Variants in MYO7B observed in about 807,000 individuals in gnomAD.
The protein encoded by MYO7B is unconventional myosin-VIIb.
In MYO7B, 212 loss-of-function variants were observed where a neutral mutation model predicts 259.7. The ratio of observed to expected loss-of-function variants is 0.82; its 90% CI spans 0.73 to 0.91. MYO7B has a LOEUF of 0.91. MYO7B is among the 40% of genes least tolerant of loss of function. MYO7B has a pLI of 0.00. For synonymous variants in MYO7B, 1,197 were observed against 1,166.4 expected (o/e 1.03, Z -0.54); for missense variants, 2,732 against 2,813.5 (o/e 0.97, Z 0.66).
Position 127,607,099 on chromosome 2 carries a change from A to G in MYO7B, c.2425-107A>G. On this transcript the variant is annotated intron_variant, in intron 20 of 47. Transcript: ENST00000409816. This position sits in a 1 kb window ranked among gnomAD's most constrained non-coding sequence, Gnocchi z 4.4. ...TCTAGCACCGGCCCTTTGCCAAAACAAAACTAACTGTAAATCTATCTTGCA... is the reference window on the plus strand; with the variant it reads ...TCTAGCACCGGCCCTTTGCCAAAACGAAACTAACTGTAAATCTATCTTGCA... The G allele has an allele frequency of 8.8e-7, 1 of 1,133,728 alleles. No individual in the cohort carries two copies. Among genetic ancestry groups the G allele is most frequent in the East Asian group, 2.6e-5 (1 of 38,624 alleles). The allele number at this position is 1,133,728 out of a possible 1,614,324, so 70.2% of individuals were successfully genotyped here. A position where few individuals can be genotyped will look rare whatever the true frequency, so the allele number is the denominator to read the frequency against.
Position 127,623,219 on chromosome 2 carries a change from G to T in MYO7B, c.3663G>T (p.Lys1221Asn). 1 of 1,613,614 alleles carries T rather than the reference G, an allele frequency of 6.2e-7. No individual in the cohort carries two copies. Among genetic ancestry groups the T allele is most frequent in the Non-Finnish European group, 8.5e-7 (1 of 1,179,776 alleles). The change falls in exon 29 of 48, where the codon AAG (lysine) becomes AAT (asparagine). Residue 1221 changes from lysine to asparagine, a missense_variant. Physicochemically the swap from Lys to Asn is moderately conservative, Grantham distance 94 (BLOSUM62 0). Around this residue, in one of 3 missense-constraint regions of MYO7B, gnomAD observed 1,906 missense variants for 2,026.4 expected, o/e 0.94. Transcript: ENST00000409816. Reference sequence around the variant, plus strand: ...GTCCCCAGGCTGTCAAGTCCAAGAAGCACATCCCCATCCAAGTCATCTTGG... The same window carrying T: ...GTCCCCAGGCTGTCAAGTCCAAGAATCACATCCCCATCCAAGTCATCTTGG... ...WLELQAVKSK[K>N]HIPIQVILAT...
At chr2:127,591,258 G>A (rs962466177) in intron 16 of MYO7B, among the ~76,000 whole-genome samples, 4 of 152,248 alleles carry the variant, frequency 2.6e-5, no homozygotes, top group African/African-American at 4.8e-5. Flanking sequence ...ATAGGCAGAT[G>A]TGAGATAACC....
intron 19 of MYO7B, among the ~76,000 whole-genome samples, chr2:127,602,049 T>TC (rs1679980271): frequency 1.3e-5 from 2 of 152,206 alleles, no homozygotes; most frequent in South Asian, 4.1e-4. Context: ...TCTATTTTTT[T>TC]CCTCTCTCCT....
rs371153674 is a variant in MYO7B at position 127,588,410 on chromosome 2, G to A, written c.1709G>A (p.Arg570Gln). 45 of 1,612,744 alleles carry A rather than the reference G, an allele frequency of 2.8e-5. No homozygotes were observed. Among genetic ancestry groups the A allele is most frequent in the Admixed American group, 3.3e-5 (2 of 59,990 alleles). ...YQAEGFLEKN[R>Q]DVLSTDILTL... is the part of the protein sequence containing the mutation. ...TCCACAGGCTTCCTGGAGAAGAACCGAGACGTGCTGAGCACAGATATCCTC... is the reference window on the plus strand; with the variant it reads ...TCCACAGGCTTCCTGGAGAAGAACCAAGACGTGCTGAGCACAGATATCCTC... Residue 570 changes from arginine (R) to glutamine (Q), a missense_variant, in exon 15 of 48, where the codon CGA becomes CAA. By Grantham distance (43) the Arg-to-Gln change is conservative. Around this residue, in one of 3 missense-constraint regions of MYO7B, gnomAD observed 1,906 missense variants for 2,026.4 expected, o/e 0.94. Transcript: ENST00000409816.
chr2:127,633,948 A>T (rs1484905872), intron 40 of MYO7B, among the ~76,000 whole-genome samples: 1 of 152,186 alleles, frequency 6.6e-6, no homozygotes, highest in Non-Finnish European at 1.5e-5. Context: ...TGGGCTCTCA[A>T]GGCGAGTCAA....
At chr2:127,596,895 G>A (rs929192414) in intron 19 of MYO7B, among the ~76,000 whole-genome samples, 20 of 152,362 alleles carry the variant, frequency 1.3e-4, no homozygotes, top group Middle Eastern at 3.4e-3. Flanking sequence ...TTTTGGACAG[G>A]AAAGAATCCA....
chr2:127,607,561 A>T lies in MYO7B; in HGVS notation c.2643+137A>T. The stretch of plus-strand genomic sequence containing the variant: ...ATCCCCCCGCCCCCGCCACAAGCCA[A>T]GACGTTAAAATCTGTTCAATTACTC... On this transcript the variant is annotated intron_variant, in intron 21 of 47. Coordinates refer to ENST00000409816, the MANE Select transcript of MYO7B (RefSeq NM_001393586.1). This position sits in a 1 kb window ranked among gnomAD's most constrained non-coding sequence, Gnocchi z 4.4. 1 of 737,120 alleles carries T rather than the reference A, an allele frequency of 1.4e-6. No homozygotes were observed. Among genetic ancestry groups the T allele is most frequent in the Non-Finnish European group, 2.2e-6 (1 of 451,978 alleles). The allele number at this position is 737,120 out of a possible 1,614,324, so 45.7% of individuals were successfully genotyped here. A position where few individuals can be genotyped will look rare whatever the true frequency, so the allele number is the denominator to read the frequency against.
chr2:127,631,767 G>A lies in MYO7B; in HGVS notation c.5249+14G>A. ...CAACTCCAACAGGTCTGCTGGGGCG[G>A]CGGCCAGCCCACGCGGGCACCCTCA... is the stretch of plus-strand genomic sequence containing the variant. On this transcript the variant is annotated intron_variant, in intron 38 of 47. Transcript: ENST00000409816. 6.2e-7 allele frequency: 1 copy of A among 1,610,866 alleles called. No homozygotes were observed.
intron 28 of MYO7B, 103 bp from the exon 29 acceptor site, chr2:127,623,099 C>A (rs1680918095): frequency 1.5e-6 from 2 of 1,374,244 alleles, no homozygotes; most frequent in Non-Finnish European, 9.9e-7. Flanking sequence ...GGATGGCAAG[C>A]AGGGCCCATG....
In MYO7B at chr2:127,590,849, T is replaced by G. The variant is rs1292370604; in HGVS notation, c.1992+620T>G. ...AAATGGTTTTATCCCCATAAGGGAA[T>G]AAAAATATTACATGAAATTAAATGC... On this transcript the variant is annotated intron_variant, in intron 16 of 47. Coordinates refer to ENST00000409816, the MANE Select transcript of MYO7B (RefSeq NM_001393586.1). The surrounding 1 kb of genome is among the most constrained non-coding windows in gnomAD (Gnocchi z 4.6). Among the ~76,000 whole-genome samples, 1 of 152,222 alleles carries G rather than the reference T, an allele frequency of 6.6e-6. No homozygotes were observed. Among genetic ancestry groups the G allele is most frequent in the Non-Finnish European group, 1.5e-5 (1 of 68,026 alleles).
At chr2:127,630,690 C>A in intron 35 of MYO7B, 88 bp from the exon 36 acceptor site, 1 of 1,569,954 alleles carries the variant, frequency 6.4e-7, no homozygotes, top group South Asian at 1.2e-5. Context: ...CCTCCCAAGT[C>A]ACTGAGGCTG....
Position 127,573,907 on chromosome 2 carries a change from C to G in MYO7B, c.593-13C>G, listed in dbSNP as rs750808412. Reference sequence around the variant, plus strand: ...CTCTGCTCCCATCATGGGCATCGCCCGCTTACCTTCAGCCTTTGGAAATGC... The same window carrying G: ...CTCTGCTCCCATCATGGGCATCGCCGGCTTACCTTCAGCCTTTGGAAATGC... On this transcript the variant is annotated splice_polypyrimidine_tract_variant and intron_variant, in intron 6 of 47. Transcript: ENST00000409816. 6.2e-7 allele frequency: 1 copy of G among 1,613,894 alleles called. No individual in the cohort carries two copies. The highest frequency in any genetic ancestry group is 1.3e-5 in the African/African-American group (1 of 74,942).
chr2:127,578,189 C>G lies in MYO7B; in HGVS notation c.906C>G (p.Arg302=). ...LNDAKDYAHI[R]SAMKILQFSD... ...ACGCCAAGGACTACGCCCACATCCG[C>G]TCGGCCATGAAGATCCTCCAGTTCT... Residue 302 remains arginine (R), a synonymous_variant, in exon 9 of 48, where the codon CGC becomes CGG. Coordinates refer to ENST00000409816, the MANE Select transcript of MYO7B (RefSeq NM_001393586.1). 1 of 1,613,866 alleles carries G rather than the reference C, an allele frequency of 6.2e-7. No homozygotes were observed. The highest frequency in any genetic ancestry group is 8.5e-7 in the Non-Finnish European group (1 of 1,179,874).
intron 20 of MYO7B, 129 bp downstream of exon 20, chr2:127,606,057 G>A (rs1223608675): frequency 4.9e-5 from 35 of 714,082 alleles, no homozygotes; most frequent in East Asian, 3.3e-4. Flanking sequence ...ATTCACAGAC[G>A]TGGCATGCAA....
rs1392773864 is a variant in MYO7B at position 127,609,702 on chromosome 2, A to G, written c.3011A>G (p.Asp1004Gly). The G allele has an allele frequency of 2.5e-6, 4 of 1,613,802 alleles. No individual in the cohort carries two copies. In the African/African-American group the frequency reaches 5.3e-5, roughly 22 times the overall value. Residue 1004 changes from aspartate (D) to glycine (G), a missense_variant, in exon 23 of 48, where the codon GAC becomes GGC. By Grantham distance (94) the Asp-to-Gly change is moderately conservative (BLOSUM62 -1). Coordinates refer to ENST00000409816, the MANE Select transcript of MYO7B (RefSeq NM_001393586.1). The surrounding 1 kb of genome is among the most constrained non-coding windows in gnomAD (Gnocchi z 6.9). ...LRYPLLYHED[D>G]TDCLAALVIW... is the part of the protein sequence containing the mutation. ...TACCCGTTGCTTTACCACGAAGATG[A>G]CACTGACTGCTTGGTACCAGGGTTC...
intron 1 of MYO7B, among the ~76,000 whole-genome samples, chr2:127,544,699 G>A (rs930330561): frequency 2.0e-5 from 3 of 150,904 alleles, no homozygotes; most frequent in African/African-American, 7.3e-5. Flanking sequence ...TCCTGCCTCA[G>A]CCTCCCGAGT....
chr2:127,573,175 C>G (rs1678718725), intron 6 of MYO7B, among the ~76,000 whole-genome samples: 1 of 152,184 alleles, frequency 6.6e-6, no homozygotes, highest in Non-Finnish European at 1.5e-5. Context: ...TGCTGGTATT[C>G]TGAAACTGCA....
rs1219927604 is a variant in MYO7B, at chr2:127,617,491, T to TTTG, written c.3399-2847_3399-2846insGTT. Among the ~76,000 whole-genome samples the TTTG allele has an allele frequency of 1.1e-4, 14 of 122,816 alleles. No homozygotes were observed. In the South Asian group the frequency reaches 2.6e-3, roughly 22 times the overall value. 80.6% of individuals were successfully genotyped at this position (122,816 alleles called of 152,430 possible). ...TGCCAGCAGACTTGTAACGGGGTTTTTTTTTTTTTTTTTTTTTTTTTTGAG... is the reference window on the plus strand; with the variant it reads ...TGCCAGCAGACTTGTAACGGGGTTTTTTGTTTTTTTTTTTTTTTTTTTTTTGAG... On this transcript the variant is annotated intron_variant, in intron 26 of 47. Transcript: ENST00000409816.
chr2:127,600,433 G>A (rs10197955), intron 19 of MYO7B, among the ~76,000 whole-genome samples: 169 of 152,198 alleles, frequency 1.1e-3, no homozygotes, highest in African/African-American at 3.8e-3. Flanking sequence ...TGTCCTGGCC[G>A]GGCATGGTGG....
Sources: gnomAD v4.1 joint callset for allele counts (sites outside exome capture counted in the v4.1 genomes callset) on GRCh38, gnomAD v4.1.1 for gene constraint, gnomAD v4.1.1 regional missense constraint, Gnocchi (gnomAD v3.1) non-coding constraint, MANE v1.5 for transcripts, NCBI Gene and HGNC (gene_info 2026-07-23, HGNC 2026-07-21) for gene names.